Variants in PCDHA3 observed in about 807,000 individuals in gnomAD.
PCDHA3 encodes the protein protocadherin alpha-3.
PCDHA3 carries 41 observed loss-of-function variants against 62.2 expected under a neutral mutation model. The observed-to-expected ratio is 0.66, with a 90% confidence interval of 0.51 to 0.86. PCDHA3 has a LOEUF of 0.86. Ranked by LOEUF, PCDHA3 falls within the 40% of genes least tolerant of loss-of-function variation. The pLI is 0.00. For missense variants in PCDHA3, 1,304 were observed against 1,241.2 expected (o/e 1.05, Z -0.76); for synonymous variants, 640 against 555.4 (o/e 1.15, Z -2.14).
chr5:140,867,991 T>G (rs1379820729), intron 1 of PCDHA3: 8 of 152,164 alleles, frequency 5.3e-5, no homozygotes, highest in Non-Finnish European at 8.8e-5. Flanking sequence ...ACTATTTTCA[T>G]GAATATAACT....
chr5:140,972,350 A>G (rs897251940), intron 1 of PCDHA3, among the ~76,000 whole-genome samples: 3 of 150,008 alleles, frequency 2.0e-5, no homozygotes, highest in Admixed American at 1.3e-4. Flanking sequence ...GGGTCTCACT[A>G]TGTTGCACAT....
At chr5:140,910,850 A>G (rs1285161954) in intron 1 of PCDHA3, among the ~76,000 whole-genome samples, 1 of 152,168 alleles carries the variant, frequency 6.6e-6, no homozygotes, top group Non-Finnish European at 1.5e-5. Flanking sequence ...CCTTGGATCT[A>G]TGTTCCATCC....
intron 3 of PCDHA3, among the ~76,000 whole-genome samples, chr5:140,997,287 A>G (rs1011963664): frequency 2.0e-5 from 3 of 152,280 alleles, no homozygotes; most frequent in Admixed American, 1.3e-4. Context: ...TCACTTAACA[A>G]TGGGGATACA....
intron 1 of PCDHA3, among the ~76,000 whole-genome samples, chr5:140,906,797 A>G (rs2072940556): frequency 6.6e-6 from 1 of 151,964 alleles, no homozygotes; most frequent in African/African-American, 2.4e-5. Context: ...TTCCATGCAT[A>G]CTCTTCCTTA....
At chr5:140,866,236 C>T (rs1554160132) in intron 1 of PCDHA3, 1 of 152,026 alleles carries the variant, frequency 6.6e-6, no homozygotes, top group East Asian at 1.9e-4. Context: ...ATACTATATA[C>T]CAAAAATGAC....
chr5:140,849,902 G>T, intron 1 of PCDHA3: 2 of 1,598,532 alleles, frequency 1.3e-6, no homozygotes, highest in African/African-American at 1.3e-5. Context: ...AGAACAACCC[G>T]CCGGGCTGCC....
intron 1 of PCDHA3, among the ~76,000 whole-genome samples, chr5:140,892,088 C>T (rs782787174): frequency 1.3e-5 from 2 of 152,122 alleles, no homozygotes; most frequent in Non-Finnish European, 2.9e-5. Flanking sequence ...AGTTTCCTCT[C>T]GAAACTTTCA....
chr5:140,869,205 C>A (rs782278064), intron 1 of PCDHA3: 1 of 1,613,994 alleles, frequency 6.2e-7, no homozygotes, highest in Non-Finnish European at 8.5e-7. Flanking sequence ...TCCACTACTC[C>A]GTCTCGGAGG....
At chr5:141,006,363 C>A (rs2098270160) in intron 3 of PCDHA3, among the ~76,000 whole-genome samples, 1 of 152,080 alleles carries the variant, frequency 6.6e-6, no homozygotes, top group Non-Finnish European at 1.5e-5. Context: ...AGGCGCCCAC[C>A]ACCACGCCCG....
chr5:140,819,792 T>C (rs2150105225), intron 1 of PCDHA3, among the ~76,000 whole-genome samples: 2 of 152,160 alleles, frequency 1.3e-5, no homozygotes, highest in South Asian at 4.1e-4. Flanking sequence ...ACATGAGATA[T>C]TTTTTCCAGA....
chr5:140,934,625 A>G (rs1554210030), intron 1 of PCDHA3, among the ~76,000 whole-genome samples: 1 of 152,116 alleles, frequency 6.6e-6, no homozygotes, highest in Non-Finnish European at 1.5e-5. Context: ...GGTACAGTTC[A>G]CACAGGAAAG....
intron 1 of PCDHA3, chr5:140,829,481 G>C: frequency 6.2e-6 from 10 of 1,613,786 alleles, no homozygotes; most frequent in Middle Eastern, 1.7e-4. Context: ...CACAGTGTTC[G>C]TGAAGGAGAA....
intron 1 of PCDHA3, chr5:140,877,868 T>G: frequency 6.7e-7 from 1 of 1,488,916 alleles, no homozygotes; most frequent in Non-Finnish European, 8.9e-7. Context: ...TTAGATATAT[T>G]TGTTTCCTTG....
chr5:140,823,155 C>A (rs142802947), intron 1 of PCDHA3: 11 of 1,613,730 alleles, frequency 6.8e-6, no homozygotes, highest in African/African-American at 6.7e-5. Context: ...CCCAGTATAC[C>A]GTGTTCGTGA....
chr5:140,801,251 T>C lies in PCDHA3; in HGVS notation c.54T>C (p.Leu18=). Residue 18 remains leucine (L), a synonymous_variant, in exon 1 of 4, where the codon CTT becomes CTC. Transcript: ENST00000522353. ...GAGCCCAGTGCCTGCTGCTTTCTCT[T>C]CTGCTCCTCGCAGCCTCGGAGGTGG... ...DPGAQCLLLS[L]LLLAASEVGS... The C allele has an allele frequency of 1.9e-6, 3 of 1,613,742 alleles. No homozygotes were observed. The highest frequency in any genetic ancestry group is 2.2e-5 in the East Asian group (1 of 44,886).
At chr5:140,873,008 A>G (rs1455373788) in intron 1 of PCDHA3, among the ~76,000 whole-genome samples, 2 of 152,166 alleles carry the variant, frequency 1.3e-5, no homozygotes, top group African/African-American at 4.8e-5. Flanking sequence ...GTCATTCTTC[A>G]TATTTAGTTA....
At chr5:140,871,273 G>T in intron 1 of PCDHA3, 3 of 1,613,916 alleles carry the variant, frequency 1.9e-6, no homozygotes, top group Non-Finnish European at 2.5e-6. Flanking sequence ...GTGGTGGTCG[G>T]CAACGCCCAC....
chr5:140,917,130 C>T (rs1449410463), intron 1 of PCDHA3, among the ~76,000 whole-genome samples: 1 of 152,060 alleles, frequency 6.6e-6, no homozygotes, highest in Non-Finnish European at 1.5e-5. Flanking sequence ...AGACTCCCCA[C>T]GTTGCTCAGC....
chr5:140,942,926 GAA>G (rs1554215307), intron 1 of PCDHA3, among the ~76,000 whole-genome samples: 2 of 151,984 alleles, frequency 1.3e-5, no homozygotes, highest in East Asian at 3.9e-4. Flanking sequence ...AAAAAAAATT[GAA>G]AAAGAGTTTA....
Sources: gnomAD v4.1 joint callset for allele counts (sites outside exome capture counted in the v4.1 genomes callset) on GRCh38, gnomAD v4.1.1 for gene constraint, MANE v1.5 for transcripts, NCBI Gene and HGNC (gene_info 2026-07-23, HGNC 2026-07-21) for gene names.